Variants in FHOD3 observed in about 807,000 individuals in gnomAD.
FHOD3 encodes the protein formin homology 2 domain containing 3.
In FHOD3, 90 loss-of-function variants were observed where a neutral mutation model predicts 173.0. That is an observed-to-expected ratio of 0.52 (90% CI 0.44 to 0.62). FHOD3 has a LOEUF of 0.62. FHOD3 is among the 20% of genes least tolerant of loss of function. The pLI is 0.00. For missense variants in FHOD3, 1,945 were observed against 2,034.7 expected, an observed-to-expected ratio of 0.96 and a Z score of 0.85; for synonymous variants, 828 against 823.0, an observed-to-expected ratio of 1.01 and a Z score of -0.10.
At chr18:36,376,938 GT>G in intron 3 of FHOD3, among the ~76,000 whole-genome samples, 1 of 152,380 alleles carries the variant, frequency 6.6e-6, no homozygotes, top group African/African-American at 2.4e-5. Flanking sequence ...CTGGGGCGCT[GT>G]GTTGAGCAAG....
chr18:36,670,034 T>C (rs2037428324), intron 14 of FHOD3, among the ~76,000 whole-genome samples: 3 of 152,038 alleles, frequency 2.0e-5, no homozygotes. Flanking sequence ...CGTTTTTTTT[T>C]CTTTCAGTAC....
intron 3 of FHOD3, among the ~76,000 whole-genome samples, chr18:36,488,274 C>A (rs1394393880): frequency 2.0e-5 from 3 of 152,228 alleles, no homozygotes; most frequent in African/African-American, 7.2e-5. Context: ...TCCTTAACTT[C>A]TCTCCAAGGA....
chr18:36,444,590 A>G (rs191069907), intron 3 of FHOD3, among the ~76,000 whole-genome samples: 3 of 152,194 alleles, frequency 2.0e-5, no homozygotes, highest in Admixed American at 1.3e-4. Context: ...TCTATAGATA[A>G]CTAGTCTCCT....
chr18:36,338,057 G>A (rs1019962308), intron 1 of FHOD3, among the ~76,000 whole-genome samples: 3 of 152,176 alleles, frequency 2.0e-5, no homozygotes, highest in Non-Finnish European at 4.4e-5. Context: ...CTAAGGGAAC[G>A]GAGTAGAGTC....
chr18:36,761,694 C>T (rs1260915867), intron 27 of FHOD3, among the ~76,000 whole-genome samples: 1 of 152,186 alleles, frequency 6.6e-6, no homozygotes, highest in East Asian at 1.9e-4. Flanking sequence ...GCCACTCTTT[C>T]TCTTCCATGC....
intron 5 of FHOD3, among the ~76,000 whole-genome samples, chr18:36,536,753 A>T (rs146774431): frequency 7.9e-5 from 12 of 152,300 alleles, no homozygotes; most frequent in Admixed American, 1.3e-4. Flanking sequence ...GAGGCTTCCC[A>T]TGGGGTGGCA....
chr18:36,372,396 T>A (rs2047234523), intron 2 of FHOD3, among the ~76,000 whole-genome samples: 1 of 152,222 alleles, frequency 6.6e-6, no homozygotes, highest in African/African-American at 2.4e-5. Flanking sequence ...TTTCCCAACA[T>A]GGTCAAGCAT....
At chr18:36,577,831 G>A (rs540444031) in intron 6 of FHOD3, among the ~76,000 whole-genome samples, 14 of 152,316 alleles carry the variant, frequency 9.2e-5, no homozygotes, top group South Asian at 6.2e-4. Context: ...CTTCAGGTGC[G>A]CCGAAAGCTG....
chr18:36,729,745 C>T (rs539448775), intron 19 of FHOD3, among the ~76,000 whole-genome samples: 2 of 152,188 alleles, frequency 1.3e-5, no homozygotes, highest in South Asian at 2.1e-4. Context: ...AATATCATCA[C>T]TTTGGGGGTT....
intron 20 of FHOD3, among the ~76,000 whole-genome samples, chr18:36,736,564 A>G (rs1349902123): frequency 6.6e-6 from 1 of 152,210 alleles, no homozygotes; most frequent in African/African-American, 2.4e-5. Context: ...GAGTCTGGCC[A>G]TCCCCAGCTG....
intron 1 of FHOD3, among the ~76,000 whole-genome samples, chr18:36,341,397 G>A (rs539145332): frequency 1.7e-3 from 253 of 152,268 alleles, no homozygotes; most frequent in African/African-American, 5.7e-3. Flanking sequence ...AACTACCAAG[G>A]TGGCCAAGAC....
rs1159169585 is a variant in FHOD3 at position 36,502,054 on chromosome 18, T to C, written c.405+55T>C. 3.3e-6 allele frequency: 4 copies of C among 1,202,862 alleles called. No individual in the cohort carries two copies. In the Admixed American group the frequency reaches 6.1e-5, roughly 18 times the overall value. 74.5% of individuals were successfully genotyped at this position (1,202,862 alleles called of 1,614,324 possible). ...GTTTTTACATTGCTGTGAAATTAGA[T>C]ACAGGCAAGCTTCTACCTGTACTTG... On this transcript the variant is annotated intron_variant, in intron 4 of 28. Transcript: ENST00000590592.
At chr18:36,658,233 G>A in intron 14 of FHOD3, 45 bp downstream of exon 14, 1 of 1,334,904 alleles carries the variant, frequency 7.5e-7, no homozygotes, top group Non-Finnish European at 1.0e-6. Context: ...CCTCAAGTGA[G>A]GGGAATCAAT....
chr18:36,314,910 C>A (rs1029776629), intron 1 of FHOD3, among the ~76,000 whole-genome samples: 2 of 152,182 alleles, frequency 1.3e-5, no homozygotes, highest in Non-Finnish European at 2.9e-5. Context: ...TTAGCACTTG[C>A]ATTCCTGAGG....
At chr18:36,692,893 G>T (rs2039046746) in intron 16 of FHOD3, 2 of 339,792 alleles carry the variant, frequency 5.9e-6, no homozygotes, top group African/African-American at 2.1e-5. Context: ...TTTGGTGGTG[G>T]TTATTGCTGT....
At chr18:36,612,194 C>A (rs1243804787) in intron 9 of FHOD3, 99 bp downstream of exon 9, 1 of 1,293,662 alleles carries the variant, frequency 7.7e-7, no homozygotes, top group Non-Finnish European at 1.1e-6. Flanking sequence ...CGTATGAGCA[C>A]CACCAGCTTA....
chr18:36,508,782 G>C (rs1168757220), intron 4 of FHOD3, among the ~76,000 whole-genome samples: 1 of 152,154 alleles, frequency 6.6e-6, no homozygotes, highest in African/African-American at 2.4e-5. Flanking sequence ...TTGAAGGGAA[G>C]TCTTGTTTGT....
chr18:36,653,251 G>T, intron 12 of FHOD3, 91 bp from the exon 13 acceptor site: 2 of 992,922 alleles, frequency 2.0e-6, no homozygotes, highest in Non-Finnish European at 1.5e-6. Flanking sequence ...AAGCCAGGTG[G>T]CATGAAGTCT....
In FHOD3 at chr18:36,380,204, C is replaced by T. The variant is rs59139879; in HGVS notation, c.337+7460C>T. Among the ~76,000 whole-genome samples, 433 of 152,120 alleles carry T rather than the reference C, an allele frequency of 2.8e-3. 3 individuals are homozygous for T. Among genetic ancestry groups the T allele is most frequent in the African/African-American group, 0.01 (417 of 41,496 alleles). ...TCAAGCCCATATACTGGAGTAATAG[C>T]AACAGAATAAGAAGAAAAGTTAAAA... On this transcript the variant is annotated intron_variant, in intron 3 of 28. Coordinates refer to ENST00000590592, the MANE Select transcript of FHOD3 (RefSeq NM_001281740.3).
Sources: gnomAD v4.1 joint callset for allele counts (sites outside exome capture counted in the v4.1 genomes callset) on GRCh38, gnomAD v4.1.1 for gene constraint, MANE v1.5 for transcripts, NCBI Gene and HGNC (gene_info 2026-07-23, HGNC 2026-07-21) for gene names.